The following FREM3 variants were observed in gnomAD, a reference collection of about 807,000 sequenced individuals.
The protein encoded by FREM3 is FRAS1-related extracellular matrix protein 3.
A neutral mutation model predicts 129.1 loss-of-function variants in FREM3; 105 were observed. That is an observed-to-expected ratio of 0.81 (90% confidence interval 0.69 to 0.96). The LOEUF (loss-of-function observed/expected upper bound fraction) is 0.96. FREM3 is among the 40% of genes least tolerant of loss of function. The pLI is 0.00. For missense variants in FREM3, 2,593 were observed against 2,666.3 expected, an observed-to-expected ratio of 0.97 and a Z score of 0.61; for synonymous variants, 1,014 against 1,044.9, an observed-to-expected ratio of 0.97 and a Z score of 0.57.
intron 2 of FREM3, among the ~76,000 whole-genome samples, chr4:143,633,916 C>T (rs1467445102): frequency 6.6e-6 from 1 of 151,898 alleles, no homozygotes; most frequent in African/African-American, 2.4e-5. Flanking sequence ...AAAACAGTGA[C>T]AGTGGAAAGG....
chr4:143,645,380 A>G (rs180756813), intron 2 of FREM3, among the ~76,000 whole-genome samples: 2 of 152,240 alleles, frequency 1.3e-5, no homozygotes, highest in Non-Finnish European at 2.9e-5. Flanking sequence ...TCATGTGTCA[A>G]TGCAGCTAGG....
chr4:143,677,566 T>C (rs1740163410), intron 2 of FREM3, among the ~76,000 whole-genome samples: 1 of 152,170 alleles, frequency 6.6e-6, no homozygotes, highest in South Asian at 2.1e-4. Flanking sequence ...ACTAAAGAGC[T>C]TCTGGACAGC....
chr4:143,627,747 T>G lies in FREM3; in HGVS notation c.5289A>C (p.Leu1763=). ...AGTTTAGATGGAAAGGCTGATTTGT[T>G]AGTTTATTTCCTCCTGCAATTGATA... ...FSVEDNGGNK[L]TNQPFHLNWA... The change falls in exon 3 of 8, where the codon CTA becomes CTC. Residue 1763 remains leucine (L), a synonymous_variant. Coordinates refer to ENST00000329798, the MANE Select transcript of FREM3 (RefSeq NM_001168235.2). The G allele has an allele frequency of 6.5e-7, 1 of 1,535,554 alleles. No individual in the cohort carries two copies. The highest frequency in any genetic ancestry group is 8.7e-7 in the Non-Finnish European group (1 of 1,145,624).
In FREM3 at chr4:143,697,585, G is replaced by A. The variant is rs1418455058; in HGVS notation, c.3091C>T (p.Gln1031Ter). The A allele has an allele frequency of 6.5e-7, 1 of 1,537,640 alleles. No homozygotes were observed. Among genetic ancestry groups the A allele is most frequent in the East Asian group, 2.4e-5 (1 of 40,910 alleles). ...HTAGEVGFQK[Q>*]HDAFSLILSK... ...AGGATGAGGCTGAAGGCATCGTGCT[G>A]CTTTTGAAAACCAACTTCACCTGCA... The change falls in exon 1 of 8, where the codon CAG becomes TAG. Residue 1031 changes from glutamine to a stop codon, truncating the protein, a stop_gained. Coordinates refer to ENST00000329798, the MANE Select transcript of FREM3 (RefSeq NM_001168235.2). LOFTEE classifies it high-confidence loss of function.
chr4:143,595,599 A>G (rs1260523876), intron 6 of FREM3, among the ~76,000 whole-genome samples: 1 of 152,182 alleles, frequency 6.6e-6, no homozygotes, highest in Admixed American at 6.5e-5. Flanking sequence ...CTATAGCAAA[A>G]GAAGGGAGCC....
At chr4:143,668,055 T>C (rs1159640431) in intron 2 of FREM3, among the ~76,000 whole-genome samples, 3 of 152,258 alleles carry the variant, frequency 2.0e-5, no homozygotes, top group Non-Finnish European at 4.4e-5. Context: ...TGTTATCTTA[T>C]GCAAACACTT....
At chr4:143,623,499 C>A (rs1034888422) in intron 4 of FREM3, among the ~76,000 whole-genome samples, 3 of 133,200 alleles carry the variant, frequency 2.3e-5, no homozygotes, top group Admixed American at 1.5e-4. Context: ...CTAATCCCCC[C>A]CCCCCCCCAC....
chr4:143,601,371 T>C (rs1211301238), intron 6 of FREM3, among the ~76,000 whole-genome samples: 2 of 152,224 alleles, frequency 1.3e-5, no homozygotes, highest in Middle Eastern at 3.2e-3. Context: ...GTAATATTTA[T>C]AGGGAAATTT....
chr4:143,645,198 G>A (rs992692351), intron 2 of FREM3: 11 of 152,182 alleles, frequency 7.2e-5, no homozygotes, highest in African/African-American at 2.7e-4. Flanking sequence ...CTAGTGTGGG[G>A]CGAAGACATT....
At chr4:143,692,155 A>G (rs1268647787) in intron 2 of FREM3, among the ~76,000 whole-genome samples, 7 of 152,202 alleles carry the variant, frequency 4.6e-5, no homozygotes, top group African/African-American at 1.2e-4. Context: ...AGTGCTTTAC[A>G]TTTATGATCT....
chr4:143,622,747 A>G (rs1179155939), intron 4 of FREM3, among the ~76,000 whole-genome samples: 1 of 152,214 alleles, frequency 6.6e-6, no homozygotes, highest in African/African-American at 2.4e-5. Flanking sequence ...TTATTCAGTC[A>G]TGCCCTCTAT....
chr4:143,593,255 C>G (rs929398528), intron 6 of FREM3, among the ~76,000 whole-genome samples: 4 of 152,150 alleles, frequency 2.6e-5, no homozygotes, highest in African/African-American at 7.2e-5. Context: ...ATTCTCTGTC[C>G]AGCTTTGTTC....
chr4:143,682,837 C>A (rs2149859683), intron 2 of FREM3, among the ~76,000 whole-genome samples: 1 of 152,262 alleles, frequency 6.6e-6, no homozygotes, highest in East Asian at 1.9e-4. Flanking sequence ...AAAAGACATC[C>A]ACATCTTCAT....
intron 2 of FREM3, among the ~76,000 whole-genome samples, chr4:143,676,779 ACTC>A (rs1184846542): frequency 6.6e-6 from 1 of 152,150 alleles, no homozygotes; most frequent in Non-Finnish European, 1.5e-5. Flanking sequence ...TCATGAGTGA[ACTC>A]CTATTCACAA....
chr4:143,589,623 A>G (rs1266217168), intron 6 of FREM3, among the ~76,000 whole-genome samples: 3 of 152,196 alleles, frequency 2.0e-5, no homozygotes, highest in East Asian at 1.9e-4. Flanking sequence ...TACCACTACC[A>G]TGCTGTTTTG....
In FREM3 at chr4:143,645,396, G is replaced by A. The variant is rs115261421; in HGVS notation, c.5276-17636C>T. Among the ~76,000 whole-genome samples, 201 of 152,288 alleles carry A rather than the reference G, an allele frequency of 1.3e-3. No individual in the cohort carries two copies. The Middle Eastern group carries it at 0.021, about 16-fold the overall frequency. ...CATGTGTCAATGCAGCTAGGCTATG[G>A]TGCTCAGTCTAGATGTTGCTGTGAC... On this transcript the variant is annotated intron_variant, in intron 2 of 7. Transcript: ENST00000329798.
At chr4:143,662,051 CA>C (rs1302317406) in intron 2 of FREM3, among the ~76,000 whole-genome samples, 1 of 151,904 alleles carries the variant, frequency 6.6e-6, no homozygotes, top group African/African-American at 2.4e-5. Context: ...CTCCTGGATT[CA>C]TTGATTTTTT....
intron 7 of FREM3, among the ~76,000 whole-genome samples, chr4:143,584,401 G>T (rs1738202736): frequency 8.0e-6 from 1 of 124,694 alleles, no homozygotes; most frequent in African/African-American, 3.1e-5. Context: ...GGGCGACAGA[G>T]CGAGACTCCG....
chr4:143,608,660 TATA>T (rs1205175228), intron 6 of FREM3, among the ~76,000 whole-genome samples: 11 of 152,212 alleles, frequency 7.2e-5, no homozygotes, highest in African/African-American at 2.7e-4. Context: ...GGTAAAATTA[TATA>T]ATGCACTTGC....
Sources: allele counts gnomAD v4.1 joint callset (sites outside exome capture counted in the v4.1 genomes callset), GRCh38; gene constraint gnomAD v4.1.1; transcripts MANE v1.5; gene names NCBI Gene and HGNC (gene_info 2026-07-23, HGNC 2026-07-21).